Variants in RPGRIP1L observed in about 807,000 individuals in gnomAD.
The protein encoded by RPGRIP1L is protein fantom.
Under a neutral mutation model 160.4 loss-of-function variants are expected in RPGRIP1L, and 131 were observed. The ratio of observed to expected loss-of-function variants is 0.82; its 90% CI spans 0.71 to 0.94. RPGRIP1L has a LOEUF of 0.94. Among genes scored for constraint, RPGRIP1L ranks in the 40% least tolerant of loss-of-function variants. The pLI is 0.00. For missense variants in RPGRIP1L, 1,522 were observed against 1,535.8 expected (o/e 0.99, Z 0.15); for synonymous variants, 510 against 515.8 (o/e 0.99, Z 0.15).
chr16:53,620,832 T>G (rs1964665143), intron 23 of RPGRIP1L, among the ~76,000 whole-genome samples: 1 of 152,346 alleles, frequency 6.6e-6, no homozygotes, highest in East Asian at 1.9e-4. Context: ...AATGATATTT[T>G]TTTTCCTTAA....
intron 24 of RPGRIP1L, among the ~76,000 whole-genome samples, chr16:53,614,570 G>A (rs9922369): frequency 0.11 from 16,431 of 152,082 alleles, 2,138 homozygotes; most frequent in African/African-American, 0.31. Context: ...CTTTTGGGTT[G>A]AATACCGTGG....
chr16:53,696,918 G>T (rs569074511), intron 2 of RPGRIP1L, among the ~76,000 whole-genome samples: 2 of 152,138 alleles, frequency 1.3e-5, no homozygotes, highest in Non-Finnish European at 2.9e-5. Flanking sequence ...TCCGAGCCAG[G>T]CTTGGTGGCT....
chr16:53,607,909 C>G (rs79533311), intron 25 of RPGRIP1L: 1 of 839,012 alleles, frequency 1.2e-6, no homozygotes, highest in African/African-American at 1.8e-5. Context: ...ACACACAAAT[C>G]TTTTATCTTA....
intron 17 of RPGRIP1L, 147 bp from the exon 18 acceptor site, chr16:53,641,622 A>T: frequency 2.8e-6 from 2 of 724,834 alleles, no homozygotes; most frequent in Non-Finnish European, 4.5e-6. Flanking sequence ...CTTTAAAAAT[A>T]ATTTTGGCTT....
At chr16:53,684,645 T>C (rs1467541485) in intron 6 of RPGRIP1L, among the ~76,000 whole-genome samples, 7 of 151,726 alleles carry the variant, frequency 4.6e-5, no homozygotes, top group African/African-American at 1.7e-4. Flanking sequence ...TAATGCTAAA[T>C]GACGAGTTAA....
At chr16:53,678,585 G>A (rs1383303303) in intron 6 of RPGRIP1L, among the ~76,000 whole-genome samples, 3 of 141,618 alleles carry the variant, frequency 2.1e-5, no homozygotes, top group Non-Finnish European at 4.6e-5. Context: ...TTCATTCCTT[G>A]CTACCATATT....
At chr16:53,653,490 G>A (rs1436307727) in intron 14 of RPGRIP1L, 1 of 237,602 alleles carries the variant, frequency 4.2e-6, no homozygotes, top group Non-Finnish European at 6.8e-6. Context: ...TATCACCAAC[G>A]TGAATATCTG....
At chr16:53,664,272 C>T (rs1411135307) in intron 10 of RPGRIP1L, among the ~76,000 whole-genome samples, 2 of 152,062 alleles carry the variant, frequency 1.3e-5, no homozygotes, top group African/African-American at 4.8e-5. Flanking sequence ...ATTATTTTAG[C>T]ATGGGGCACA....
At position 53,599,493 on chromosome 16, in the gene RPGRIP1L, AC is replaced by A. The variant is rs1288415004; in HGVS notation, c.*2582del. On this transcript the variant is annotated 3_prime_UTR_variant, in exon 27 of 27. Coordinates refer to ENST00000647211, the MANE Select transcript of RPGRIP1L (RefSeq NM_015272.5). ...ACATGTAAAATACACTCTCCCACAT[AC>A]CACATCACATCTCTATTTGTATTTC... 2.6e-5 allele frequency: 4 copies of A among 152,224 alleles called. No homozygotes were observed. The highest frequency in any genetic ancestry group is 4.8e-5 in the African/African-American group (2 of 41,458). The allele number at this position is 152,224 out of a possible 1,614,324, so 9.4% of individuals were successfully genotyped here.
At chr16:53,696,689 C>G (rs1243706888) in intron 2 of RPGRIP1L, among the ~76,000 whole-genome samples, 1 of 152,002 alleles carries the variant, frequency 6.6e-6, no homozygotes, top group Non-Finnish European at 1.5e-5. Context: ...ATTTGGTAAA[C>G]ATAATATAAC....
chr16:53,637,719 T>G lies in RPGRIP1L; in HGVS notation c.3196A>C (p.Ile1066Leu). Residue 1066 changes from isoleucine (I) to leucine (L), a missense_variant, in exon 21 of 27, where the codon ATA becomes CTA. Ile to Leu is a conservative substitution (Grantham distance 5, BLOSUM62 2). Transcript: ENST00000647211. Reference protein sequence around the residue: ...SLASSEDETEITEDLEPEVEE... With the variant: ...SLASSEDETELTEDLEPEVEE... ...CCTTCTGGTTCCAAGTCCTCTGTTATTTCTGTTTCATCTTCAGAAGATGCC... is the reference window on the plus strand; with the variant it reads ...CCTTCTGGTTCCAAGTCCTCTGTTAGTTCTGTTTCATCTTCAGAAGATGCC... 1 of 1,610,864 alleles carries G rather than the reference T, an allele frequency of 6.2e-7. No homozygotes were observed.
At chr16:53,626,145 TA>T (rs760491478) in intron 22 of RPGRIP1L, among the ~76,000 whole-genome samples, 2,141 of 60,550 alleles carry the variant, frequency 0.035, 20 homozygotes, top group Middle Eastern at 0.081. Context: ...CAATAAATAC[TA>T]AAAAAAAAAA....
At chr16:53,622,378 A>AT in intron 22 of RPGRIP1L, 22 bp from the exon 23 acceptor site, 1 of 615,098 alleles carries the variant, frequency 1.6e-6, no homozygotes, top group Non-Finnish European at 2.9e-6. Flanking sequence ...AAAAAAAAAA[A>AT]ATCTTAAGAT....
chr16:53,674,936 A>T, intron 7 of RPGRIP1L, 81 bp downstream of exon 7: 2 of 865,536 alleles, frequency 2.3e-6, no homozygotes, highest in Non-Finnish European at 3.8e-6. Flanking sequence ...TGATAATTCC[A>T]TGTTAAAAAA....
intron 2 of RPGRIP1L, among the ~76,000 whole-genome samples, chr16:53,699,386 TAAAAAAAAAAA>T (rs10652484): frequency 1.3e-5 from 1 of 77,452 alleles, no homozygotes; most frequent in Admixed American, 1.6e-4. Flanking sequence ...GAATGATCAA[TAAAAAAAAAAA>T]AAAAAAAAAA....
chr16:53,650,233 C>T (rs189802303), intron 15 of RPGRIP1L, among the ~76,000 whole-genome samples: 7 of 152,160 alleles, frequency 4.6e-5, no homozygotes, highest in African/African-American at 2.4e-5. Context: ...CGAGATTGAC[C>T]CCTTCTTGCT....
intron 9 of RPGRIP1L, among the ~76,000 whole-genome samples, chr16:53,669,599 A>AT (rs1034027614): frequency 3.9e-5 from 6 of 152,126 alleles, no homozygotes; most frequent in East Asian, 3.9e-4. Flanking sequence ...GGTAAGTTTG[A>AT]TTTTTTTTAT....
chr16:53,680,761 A>T (rs933984679), intron 6 of RPGRIP1L, among the ~76,000 whole-genome samples: 3 of 152,002 alleles, frequency 2.0e-5, no homozygotes, highest in African/African-American at 7.2e-5. Context: ...GAAGTGATGT[A>T]TGCACCTAAT....
At chr16:53,686,372 A>G (rs1449035382) in intron 6 of RPGRIP1L, 61 bp downstream of exon 6, 2 of 1,509,130 alleles carry the variant, frequency 1.3e-6, no homozygotes, top group African/African-American at 1.4e-5. Flanking sequence ...TTTATGGCAC[A>G]TGATAAAGTA....
Sources: gnomAD v4.1 joint callset for allele counts (sites outside exome capture counted in the v4.1 genomes callset) on GRCh38, gnomAD v4.1.1 for gene constraint, MANE v1.5 for transcripts, NCBI Gene and HGNC (gene_info 2026-07-23, HGNC 2026-07-21) for gene names.